Variants in DLC1 observed in about 807,000 individuals in gnomAD.
DLC1 encodes the protein DLC1 Rho GTPase activating protein.
A neutral mutation model predicts 140.3 loss-of-function variants in DLC1; 54 were observed. That is an observed-to-expected ratio of 0.38 (90% CI 0.31 to 0.48). DLC1 has a LOEUF of 0.48. Ranked by LOEUF, DLC1 falls within the 20% of genes least tolerant of loss-of-function variation. The pLI is 0.96. For synonymous variants in DLC1, 986 were observed against 728.1 expected (o/e 1.35, Z -5.70); for missense variants, 2,536 against 1,907.0 (o/e 1.33, Z -6.14).
chr8:13,223,978 A>G (rs926640513), intron 5 of DLC1, among the ~76,000 whole-genome samples: 1 of 152,202 alleles, frequency 6.6e-6, no homozygotes, highest in African/African-American at 2.4e-5. Context: ...ATGTGTAAGA[A>G]GCTATTTCTT....
At chr8:13,360,593 C>T (rs903451312) in intron 4 of DLC1, among the ~76,000 whole-genome samples, 14 of 152,140 alleles carry the variant, frequency 9.2e-5, no homozygotes, top group African/African-American at 3.4e-4. Flanking sequence ...CCAGTTAATC[C>T]TAATATGCTG....
In DLC1 at chr8:13,472,283, G is replaced by A. The variant is rs145311461; in HGVS notation, c.1023+26766C>T. ...CTGTTCTCAGTACAGATTTAAATGC[G>A]TGTATACACACATATGTACATTAAA... On this transcript the variant is annotated intron_variant, in intron 2 of 17. Coordinates refer to ENST00000276297, the MANE Select transcript of DLC1 (RefSeq NM_182643.3). Among the ~76,000 whole-genome samples, 940 of 152,208 alleles carry A rather than the reference G, an allele frequency of 6.2e-3. 7 individuals are homozygous for A. Among genetic ancestry groups the A allele is most frequent in the Admixed American group, 0.013 (204 of 15,282 alleles).
At chr8:13,219,977 C>G (rs753843078) in intron 5 of DLC1, among the ~76,000 whole-genome samples, 1 of 152,038 alleles carries the variant, frequency 6.6e-6, no homozygotes, top group Non-Finnish European at 1.5e-5. Context: ...TAGATAAATC[C>G]GTAGACACAG....
intron 5 of DLC1, among the ~76,000 whole-genome samples, chr8:13,282,516 A>T (rs190340482): frequency 0.013 from 1,996 of 152,340 alleles, 31 homozygotes; most frequent in Middle Eastern, 0.044. Flanking sequence ...TCTATAACTT[A>T]TATTACCTTA....
At chr8:13,319,983 C>A (rs1586131411) in intron 4 of DLC1, among the ~76,000 whole-genome samples, 1 of 151,942 alleles carries the variant, frequency 6.6e-6, no homozygotes, top group East Asian at 1.9e-4. Context: ...CCACCACGCC[C>A]AGCTAATTTT....
chr8:13,220,615 T>A (rs1175903128), intron 5 of DLC1, among the ~76,000 whole-genome samples: 1 of 152,196 alleles, frequency 6.6e-6, no homozygotes, highest in Non-Finnish European at 1.5e-5. Flanking sequence ...CAGACACTCC[T>A]TGGGATCACT....
At chr8:13,304,103 G>T (rs1832318772) in intron 5 of DLC1, among the ~76,000 whole-genome samples, 1 of 152,150 alleles carries the variant, frequency 6.6e-6, no homozygotes, top group Non-Finnish European at 1.5e-5. Context: ...GGACAGCTAT[G>T]TAAGATACTG....
At chr8:13,463,683 T>A (rs1372886568) in intron 2 of DLC1, among the ~76,000 whole-genome samples, 1 of 152,220 alleles carries the variant, frequency 6.6e-6, no homozygotes, top group African/African-American at 2.4e-5. Context: ...GTTGTTCTAA[T>A]AGCCACTCAT....
chr8:13,519,471 G>C, upstream of DLC1, among the ~76,000 whole-genome samples: 1 of 152,052 alleles, frequency 6.6e-6, no homozygotes, highest in South Asian at 2.1e-4. Flanking sequence ...GACACATCCA[G>C]ACCAAGAAAA....
intron 5 of DLC1, among the ~76,000 whole-genome samples, chr8:13,288,659 G>C (rs141660632): frequency 6.6e-5 from 10 of 152,340 alleles, no homozygotes; most frequent in African/African-American, 2.4e-4. Context: ...CAAAGGATGT[G>C]CCATCAAGGT....
chr8:13,091,539 G>T (rs1042576011), intron 13 of DLC1, 107 bp from the exon 14 acceptor site: 2 of 931,558 alleles, frequency 2.1e-6, no homozygotes, highest in Non-Finnish European at 3.1e-6. Flanking sequence ...ATTTTCACTG[G>T]AATCTGTTTA....
chr8:13,585,963 A>G (rs534366251), intron 1 of DLC1, among the ~76,000 whole-genome samples: 30 of 152,316 alleles, frequency 2.0e-4, no homozygotes, highest in African/African-American at 7.2e-4. Flanking sequence ...GAGAAATATA[A>G]TGCTTAGCCT....
chr8:13,580,120 C>CTTTTTTTT (rs1805032488), intron 1 of DLC1, among the ~76,000 whole-genome samples: 2 of 7,332 alleles, frequency 2.7e-4, no homozygotes, highest in African/African-American at 3.1e-4. Flanking sequence ...AAGTTGGTTA[C>CTTTTTTTT]ATTTATTTTT....
At chr8:13,298,983 G>A (rs1832073063) in intron 5 of DLC1, among the ~76,000 whole-genome samples, 1 of 152,194 alleles carries the variant, frequency 6.6e-6, no homozygotes, top group African/African-American at 2.4e-5. Context: ...TTAGAATGAC[G>A]GATTTCATGT....
Position 13,585,251 on chromosome 8 carries a change from G to T in DLC1, c.-126+19286C>A, listed in dbSNP as rs369619651. On this transcript the variant is annotated intron_variant, in intron 1 of 1. Coordinates refer to the DLC1 transcript ENST00000631382. ...ACCCCTGAGCAAAGTCTTCATGGAT[G>T]TGTTTCTGGAACATAAAGAATGAAG... 6.6e-5 allele frequency among the ~76,000 whole-genome samples: 10 copies of T among 152,248 alleles called. 1 individual carries two copies. Among genetic ancestry groups the T allele is most frequent in the African/African-American group, 2.4e-4 (10 of 41,556 alleles).
chr8:13,229,391 A>C (rs536267613), intron 5 of DLC1, among the ~76,000 whole-genome samples: 1 of 152,174 alleles, frequency 6.6e-6, no homozygotes, highest in Non-Finnish European at 1.5e-5. Context: ...AGACTAATCC[A>C]TAGAGGCAGA....
intron 5 of DLC1, among the ~76,000 whole-genome samples, chr8:13,213,868 C>T (rs1585923432): frequency 6.6e-6 from 1 of 151,928 alleles, no homozygotes; most frequent in Non-Finnish European, 1.5e-5. Context: ...ACTGCAACCT[C>T]TGCCTTCCGA....
In DLC1 at chr8:13,457,694, A is replaced by G. The variant is rs866948708; in HGVS notation, c.1023+41355T>C. 3.7e-3 allele frequency among the ~76,000 whole-genome samples: 552 copies of G among 151,142 alleles called. 5 individuals are homozygous for G. The highest frequency in any genetic ancestry group is 0.013 in the African/African-American group (521 of 41,320). ...TCCATCTCAAAAAAAAAAAAAAAAA[A>G]AAAAAAAGAAATAAAAACAGTACAC... On this transcript the variant is annotated intron_variant, in intron 2 of 17. Coordinates refer to ENST00000276297, the MANE Select transcript of DLC1 (RefSeq NM_182643.3).
At chr8:13,442,856 G>A (rs1310420426) in intron 2 of DLC1, among the ~76,000 whole-genome samples, 1 of 152,150 alleles carries the variant, frequency 6.6e-6, no homozygotes, top group Non-Finnish European at 1.5e-5. Context: ...ATTACTGGGT[G>A]TATACCAAAA....
Sources: gnomAD v4.1 joint callset for allele counts (sites outside exome capture counted in the v4.1 genomes callset) on GRCh38, gnomAD v4.1.1 for gene constraint, MANE v1.5 for transcripts, NCBI Gene and HGNC (gene_info 2026-07-23, HGNC 2026-07-21) for gene names.